TENM3: variants seen among roughly 807,000 people sequenced by gnomAD.
TENM3 encodes teneurin transmembrane protein 3, also known as teneurin-3.
A neutral mutation model predicts 255.1 loss-of-function variants in TENM3; 63 were observed. The ratio of observed to expected loss-of-function variants is 0.25; its 90% CI spans 0.20 to 0.30. The LOEUF is 0.30. Among genes scored for constraint, TENM3 ranks in the 10% least tolerant of loss-of-function variants. The pLI, the probability that TENM3 is intolerant of heterozygous loss-of-function variation, is 1.00. For missense variants in TENM3, 2,929 were observed against 3,461.1 expected, an observed-to-expected ratio of 0.85 and a Z score of 3.86; for synonymous variants, 1,306 against 1,322.3, an observed-to-expected ratio of 0.99 and a Z score of 0.27.
chr4:181,458,512 G>A, the TENM3 span, among the ~76,000 whole-genome samples: 14 of 151,872 alleles, frequency 9.2e-5, no homozygotes, highest in African/African-American at 2.7e-4. Flanking sequence ...AGATGCGTGC[G>A]TAGTAGCTAC....
the TENM3 span, among the ~76,000 whole-genome samples, chr4:181,794,301 C>G: frequency 2.0e-4 from 30 of 151,134 alleles, no homozygotes; most frequent in African/African-American, 7.0e-4. Context: ...GTGGTGAGAA[C>G]AGTTAAGATC....
At chr4:182,653,688 ACT>A in intron 5 of TENM3, 81 bp from the exon 6 acceptor site, 1 of 1,418,480 alleles carries the variant, frequency 7.0e-7, no homozygotes, top group Non-Finnish European at 9.4e-7. Context: ...TTTACATATG[ACT>A]CTTGTTTTAA....
At chr4:182,679,230 A>G (rs1579090297) in intron 7 of TENM3, among the ~76,000 whole-genome samples, 2 of 152,306 alleles carry the variant, frequency 1.3e-5, no homozygotes, top group South Asian at 2.1e-4. Flanking sequence ...AAAGAGTAGA[A>G]TGATGGATAC....
In TENM3 at chr4:182,590,480, A is replaced by G. The variant is rs796138544; in HGVS notation, c.512-10444A>G. On this transcript the variant is annotated intron_variant, in intron 3 of 27. Transcript: ENST00000511685. ...TAGTGAAAACCTGTGTCTACAAACA[A>G]TACAAAAATTATCCAGGTTTGGTGG... Among the ~76,000 whole-genome samples the G allele has an allele frequency of 2.6e-5, 4 of 151,030 alleles. No individual in the cohort carries two copies. The South Asian group carries it at 6.3e-4, about 24-fold the overall frequency.
chr4:182,149,974 G>A lies in TENM3; in HGVS notation c.-76+5220G>A, dbSNP rs1400931205. Among the ~76,000 whole-genome samples, 3 of 152,002 alleles carry A rather than the reference G, an allele frequency of 2.0e-5. No individual in the cohort carries two copies. In the South Asian group the frequency reaches 6.2e-4, roughly 31 times the overall value. On this transcript the variant is annotated intron_variant, in intron 1 of 2. Coordinates refer to the TENM3 transcript ENST00000512480. Reference sequence around the variant, plus strand: ...CACTTGCATTTAATGATATAAAATTGTATCATTTATATAATTATATAAAAG... The same window carrying A: ...CACTTGCATTTAATGATATAAAATTATATCATTTATATAATTATATAAAAG...
the TENM3 span, among the ~76,000 whole-genome samples, chr4:181,870,660 T>C: frequency 1.3e-5 from 2 of 152,130 alleles, no homozygotes; most frequent in Admixed American, 1.3e-4. Context: ...TTTTGGGTAT[T>C]TGGGTATTTG....
chr4:182,352,137 G>GCTGC (rs1765228935), intron 3 of TENM3, among the ~76,000 whole-genome samples: 1 of 151,458 alleles, frequency 6.6e-6, no homozygotes, highest in Non-Finnish European at 1.5e-5. Flanking sequence ...CCACCCCAGG[G>GCTGC]CTGCATTCAT....
At chr4:182,623,461 T>C (rs1369321666) in intron 4 of TENM3, among the ~76,000 whole-genome samples, 1 of 145,238 alleles carries the variant, frequency 6.9e-6, no homozygotes, top group African/African-American at 2.6e-5. Flanking sequence ...CGCCATCACA[T>C]CTGGCTAATT....
In TENM3 at chr4:182,290,432, G is replaced by A. The variant is rs117207373; in HGVS notation, c.-75-33514G>A. On this transcript the variant is annotated intron_variant, in intron 1 of 27. Coordinates refer to ENST00000511685, the MANE Select transcript of TENM3 (RefSeq NM_001080477.4). ...ACAATGCCTAGAACCATTGCTAGAT[G>A]TAATATGGTCATCAAACCAAACTTG... is the stretch of plus-strand genomic sequence containing the variant. 1.9e-3 allele frequency among the ~76,000 whole-genome samples: 296 copies of A among 152,334 alleles called. 8 individuals carry two copies. The East Asian group carries it at 0.053, about 27-fold the overall frequency.
the TENM3 span, among the ~76,000 whole-genome samples, chr4:181,558,917 C>A: frequency 2.4e-4 from 37 of 152,176 alleles, no homozygotes; most frequent in African/African-American, 8.9e-4. Context: ...GGAAACTTAG[C>A]CTCAAGGATA....
At chr4:182,588,433 C>T (rs1009403710) in intron 3 of TENM3, among the ~76,000 whole-genome samples, 6 of 152,156 alleles carry the variant, frequency 3.9e-5, no homozygotes, top group African/African-American at 1.4e-4. Context: ...TCCACCCTGT[C>T]CTTATCTATA....
intron 24 of TENM3, among the ~76,000 whole-genome samples, chr4:182,776,369 G>A (rs1188061599): frequency 2.6e-5 from 4 of 152,086 alleles, no homozygotes; most frequent in African/African-American, 7.2e-5. Context: ...TCGAGATCGC[G>A]CCACTACACT....
chr4:182,684,013 T>C (rs1037873335), intron 11 of TENM3, among the ~76,000 whole-genome samples: 1 of 150,724 alleles, frequency 6.6e-6, no homozygotes, highest in Admixed American at 6.6e-5. Flanking sequence ...GCAAGAAAGT[T>C]GGGAAAGGGG....
At chr4:182,448,486 C>T (rs2151298589) in intron 3 of TENM3, among the ~76,000 whole-genome samples, 1 of 152,328 alleles carries the variant, frequency 6.6e-6, no homozygotes, top group East Asian at 1.9e-4. Context: ...GGCGACACCT[C>T]GGATGCGGGA....
chr4:181,903,244 A>ATG, the TENM3 span, among the ~76,000 whole-genome samples: 5 of 149,924 alleles, frequency 3.3e-5, no homozygotes, highest in African/African-American at 1.3e-4. Flanking sequence ...AGTTTTTTAT[A>ATG]TGTGTATATA....
At position 182,365,847 on chromosome 4, in the gene TENM3, G is replaced by C. The variant is rs186345362; in HGVS notation, c.511+18918G>C. On this transcript the variant is annotated intron_variant, in intron 3 of 27. Coordinates refer to ENST00000511685, the MANE Select transcript of TENM3 (RefSeq NM_001080477.4). The stretch of plus-strand genomic sequence containing the variant: ...TAGAGGGTATAGCCCACTATATCTA[G>C]GCTACATGGTATAGCCTGTTGCTCC... 2.8e-3 allele frequency among the ~76,000 whole-genome samples: 429 copies of C among 152,228 alleles called. 1 individual carries two copies. Among genetic ancestry groups the C allele is most frequent in the African/African-American group, 0.01 (417 of 41,516 alleles).
intron 11 of TENM3, among the ~76,000 whole-genome samples, chr4:182,683,129 A>G (rs569280928): frequency 6.6e-6 from 1 of 152,344 alleles, no homozygotes; most frequent in African/African-American, 2.4e-5. Context: ...GTGTGGATTC[A>G]TATCCAATCT....
intron 3 of TENM3, among the ~76,000 whole-genome samples, chr4:182,586,033 C>T (rs1378414549): frequency 6.6e-6 from 1 of 152,174 alleles, no homozygotes; most frequent in Non-Finnish European, 1.5e-5. Context: ...GTGGGAGGAT[C>T]ACTTGAGACC....
At chr4:181,448,695 G>A in the TENM3 span, among the ~76,000 whole-genome samples, 2 of 152,154 alleles carry the variant, frequency 1.3e-5, no homozygotes, top group African/African-American at 4.8e-5. Context: ...CTGCATAAAA[G>A]CAGTTTATTT....
Sources: gnomAD v4.1 joint callset for allele counts (sites outside exome capture counted in the v4.1 genomes callset) on GRCh38, gnomAD v4.1.1 for gene constraint, MANE v1.5 for transcripts, NCBI Gene and HGNC (gene_info 2026-07-23, HGNC 2026-07-21) for gene names.